Variants in INTS1 observed in about 807,000 individuals in gnomAD.
The protein encoded by INTS1 is integrator complex subunit 1.
INTS1 carries 137 observed loss-of-function variants against 241.6 expected under a neutral mutation model. The observed-to-expected ratio is 0.57, with a 90% confidence interval of 0.49 to 0.65. INTS1 has a LOEUF of 0.65. Among genes scored for constraint, INTS1 ranks in the 30% least tolerant of loss-of-function variants. INTS1 has a pLI of 0.00. For synonymous variants in INTS1, 1,692 were observed against 1,337.8 expected (o/e 1.26, Z -5.78); for missense variants, 3,073 against 3,032.2 (o/e 1.01, Z -0.32).
In INTS1 at chr7:1,482,553, C is replaced by G. The variant is rs1158843351; in HGVS notation, c.3696G>C (p.Val1232=). The change falls in exon 27 of 48, where the codon GTG becomes GTC. Residue 1232 remains valine, a synonymous_variant. Transcript: ENST00000404767. The stretch of plus-strand genomic sequence containing the variant: ...GCCCAGCCTGGACCGTACCGGCGTC[C>G]ACCAGGCGGAGCACCTCAGAACGGA... The part of the protein sequence containing the change: ...RMIRSEVLRL[V]DAALQDLEPQ... 1 of 1,608,486 alleles carries G rather than the reference C, an allele frequency of 6.2e-7. No individual in the cohort carries two copies. The highest frequency in any genetic ancestry group is 1.3e-5 in the African/African-American group (1 of 74,970).
intron 23 of INTS1, 21 bp downstream of exon 23, chr7:1,485,268 CG>C: frequency 6.3e-7 from 1 of 1,598,676 alleles, no homozygotes; most frequent in Non-Finnish European, 8.5e-7. Flanking sequence ...TTCCCTGCCG[CG>C]GCCCCGGTCA....
chr7:1,482,818 T>C (rs1423060953), intron 26 of INTS1, 111 bp from the exon 27 acceptor site: 212 of 1,336,384 alleles, frequency 1.6e-4, no homozygotes, highest in Non-Finnish European at 6.2e-6. Context: ...AAACTGAGAC[T>C]TGGGAGGAGC....
chr7:1,487,677 C>T (rs1372285077), intron 19 of INTS1, 83 bp downstream of exon 19: 2 of 1,528,426 alleles, frequency 1.3e-6, no homozygotes, highest in East Asian at 4.5e-5. Flanking sequence ...GCTCCGCCTG[C>T]TCCTTCAGCC....
chr7:1,471,614 T>C lies in INTS1; in HGVS notation c.6212A>G (p.Asp2071Gly). Reference protein sequence around the residue: ...EDLLEVLSDIDEMSRRRPEIL... With the variant: ...EDLLEVLSDIGEMSRRRPEIL... The stretch of plus-strand genomic sequence containing the variant: ...CTCGGGTCTCCGCCGGGACATCTCG[T>C]CTATGTCACTCAGAACCTCCAGCAG... Residue 2071 changes from aspartate (D) to glycine (G), a missense_variant, in exon 45 of 48, where the codon GAC becomes GGC. Physicochemically the swap from Asp to Gly is moderately conservative, Grantham distance 94. Transcript: ENST00000404767. 2 of 1,611,898 alleles carry C rather than the reference T, an allele frequency of 1.2e-6. No homozygotes were observed. Among genetic ancestry groups the C allele is most frequent in the Non-Finnish European group, 1.7e-6 (2 of 1,179,720 alleles).
chr7:1,485,414 G>A lies in INTS1; in HGVS notation c.3032C>T (p.Pro1011Leu). The A allele has an allele frequency of 6.2e-7, 1 of 1,612,842 alleles. No homozygotes were observed. Among genetic ancestry groups the A allele is most frequent in the South Asian group, 1.1e-5 (1 of 91,090 alleles). The change falls in exon 23 of 48, where the codon CCC becomes CTC. Residue 1011 changes from proline (P) to leucine (L), a missense_variant. Pro to Leu is a moderately conservative substitution (Grantham distance 98, BLOSUM62 -3). Transcript: ENST00000404767. Reference sequence around the variant, plus strand: ...GTCCCCCACATCCTCCTCCATGGGGGGCTCCTTCTCCTCCCCGTCCCGCAG... The same window carrying A: ...GTCCCCCACATCCTCCTCCATGGGGAGCTCCTTCTCCTCCCCGTCCCGCAG... ...GSLRDGEEKE[P>L]PMEEDVGDTD...
chr7:1,503,841 C>CCCCAAAGACA, intron 2 of INTS1, 62 bp downstream of exon 2: 1 of 996,522 alleles, frequency 1.0e-6, no homozygotes, highest in South Asian at 1.5e-5. Context: ...CAGCTGAGAT[C>CCCCAAAGACA]CCCAAAGACC....
intron 16 of INTS1, among the ~76,000 whole-genome samples, chr7:1,492,622 C>T (rs552707468): frequency 9.9e-6 from 1 of 101,060 alleles, no homozygotes; most frequent in Admixed American, 8.5e-5. Context: ...AGAGCATAAA[C>T]TCGTTGTGTA....
intron 9 of INTS1, 29 bp from the exon 10 acceptor site, chr7:1,498,582 CCCCGCTACGCCTGTG>C: frequency 6.2e-7 from 1 of 1,611,280 alleles, no homozygotes; most frequent in Non-Finnish European, 8.5e-7. Flanking sequence ...CAGACCCTGT[CCCCGCTACGCCTGTG>C]CCCCCACTCC....
chr7:1,484,214 T>C (rs759460571), intron 24 of INTS1, 44 bp from the exon 25 acceptor site: 6 of 1,572,670 alleles, frequency 3.8e-6, no homozygotes, highest in South Asian at 3.4e-5. Flanking sequence ...GAGACAGCTC[T>C]GCTCTCCGGC....
chr7:1,477,911 C>A lies in INTS1; in HGVS notation c.4656G>T (p.Arg1552Ser), dbSNP rs1412220389. The A allele has an allele frequency of 5.0e-6, 8 of 1,612,462 alleles. No individual in the cohort carries two copies. Among genetic ancestry groups the A allele is most frequent in the African/African-American group, 1.3e-5 (1 of 74,926 alleles). The change falls in exon 34 of 48, where the codon AGG becomes AGT. Residue 1552 changes from arginine (R) to serine (S), a missense_variant. By Grantham distance (110) the Arg-to-Ser change is moderately radical. Coordinates refer to ENST00000404767, the MANE Select transcript of INTS1 (RefSeq NM_001080453.3). Reference protein sequence around the residue: ...SKVLQGLIEVRSPHLEELLTA... With the variant: ...SKVLQGLIEVSSPHLEELLTA... ...TCAGCAGCTCCTCCAGGTGGGGGGA[C>A]CTCACCTCGATCAGCCCCTGGAGGA... is the stretch of plus-strand genomic sequence containing the variant.
chr7:1,499,380 C>T lies in INTS1; in HGVS notation c.845-20G>A, dbSNP rs754753237. 1 of 1,564,416 alleles carries T rather than the reference C, an allele frequency of 6.4e-7. No individual in the cohort carries two copies. Among genetic ancestry groups the T allele is most frequent in the East Asian group, 2.3e-5 (1 of 44,278 alleles). On this transcript the variant is annotated intron_variant, in intron 6 of 47. Transcript: ENST00000404767. ...TGCTCCCTGCAAACCAAGGAGAGGG[C>T]TCCATGCAGCGCCTCCCACCCGCCC...
At chr7:1,491,558 C>T (rs985827528) in intron 16 of INTS1, among the ~76,000 whole-genome samples, 6 of 152,196 alleles carry the variant, frequency 3.9e-5, no homozygotes, top group Non-Finnish European at 7.3e-5. Context: ...GACACAAAAG[C>T]ACAGAAACCA....
rs912673775 is a variant in INTS1, at chr7:1,472,531, T to C, written c.6071-145A>G. ...ACACAGCAGCGCTCCACAAATGGGGTGGAGCCAGGAGCCGGGAGCTGCCTT... is the reference window on the plus strand; with the variant it reads ...ACACAGCAGCGCTCCACAAATGGGGCGGAGCCAGGAGCCGGGAGCTGCCTT... On this transcript the variant is annotated intron_variant, in intron 43 of 47. Coordinates refer to ENST00000404767, the MANE Select transcript of INTS1 (RefSeq NM_001080453.3). The C allele has an allele frequency of 3.8e-5, 23 of 598,480 alleles. No individual in the cohort carries two copies. In the African/African-American group the frequency reaches 4.3e-4, roughly 11 times the overall value. The allele number at this position is 598,480 out of a possible 1,614,324, so 37.1% of individuals were successfully genotyped here. A position where few individuals can be genotyped will look rare whatever the true frequency, so the allele number is the denominator to read the frequency against.
chr7:1,496,811 A>AC (rs1257260766), intron 11 of INTS1, among the ~76,000 whole-genome samples: 1 of 152,126 alleles, frequency 6.6e-6, no homozygotes, highest in African/African-American at 2.4e-5. Flanking sequence ...CAGCCCTCGA[A>AC]AAGTCTCCAA....
chr7:1,472,432 G>A lies in INTS1; in HGVS notation c.6071-46C>T, dbSNP rs368164697. 3.7e-5 allele frequency: 50 copies of A among 1,358,694 alleles called. No individual in the cohort carries two copies. In the East Asian group the frequency reaches 4.6e-4, roughly 12 times the overall value. The allele number at this position is 1,358,694 out of a possible 1,614,324, so 84.2% of individuals were successfully genotyped here. A position where few individuals can be genotyped will look rare whatever the true frequency, so the allele number is the denominator to read the frequency against. Reference sequence around the variant, plus strand: ...TGCAGGAGGGCGGGAGCGGCAGGACGTGCCACACTGAGGCACCAGGACCTG... The same window carrying A: ...TGCAGGAGGGCGGGAGCGGCAGGACATGCCACACTGAGGCACCAGGACCTG... On this transcript the variant is annotated intron_variant, in intron 43 of 47. Transcript: ENST00000404767.
chr7:1,487,217 C>A, intron 20 of INTS1, 103 bp downstream of exon 20: 1 of 1,504,542 alleles, frequency 6.6e-7, no homozygotes. Context: ...CTCATGGGCC[C>A]CGCATCCAGG....
intron 42 of INTS1, 130 bp downstream of exon 42, chr7:1,473,436 C>A: frequency 1.7e-6 from 2 of 1,206,524 alleles, no homozygotes; most frequent in South Asian, 2.9e-5. Context: ...ATGAGCACCA[C>A]GCTCAGCAGC....
chr7:1,502,775 A>C (rs1267421261), intron 3 of INTS1, 126 bp downstream of exon 3: 1 of 1,032,724 alleles, frequency 9.7e-7, no homozygotes, highest in Non-Finnish European at 1.5e-6. Context: ...CAAGCCACAA[A>C]CATCCGCTCT....
chr7:1,474,508 G>C, intron 40 of INTS1, 148 bp from the exon 41 acceptor site: 3 of 1,140,706 alleles, frequency 2.6e-6, no homozygotes, highest in Non-Finnish European at 3.6e-6. Flanking sequence ...GGATGAGATC[G>C]CCCCTCTCTG....
Sources: gnomAD v4.1 joint callset for allele counts (sites outside exome capture counted in the v4.1 genomes callset) on GRCh38, gnomAD v4.1.1 for gene constraint, MANE v1.5 for transcripts, NCBI Gene and HGNC (gene_info 2026-07-23, HGNC 2026-07-21) for gene names.